Variants in IFNGR2 observed in about 807,000 individuals in gnomAD.
The protein encoded by IFNGR2 is interferon gamma receptor 2.
IFNGR2 carries 15 observed loss-of-function variants against 41.1 expected under a neutral mutation model. The ratio of observed to expected loss-of-function variants is 0.37; its 90% CI spans 0.24 to 0.56. The LOEUF (loss-of-function observed/expected upper bound fraction) is 0.56. Ranked by LOEUF, IFNGR2 falls within the 20% of genes least tolerant of loss-of-function variation. The pLI, the probability that IFNGR2 is intolerant of heterozygous loss-of-function variation, is 0.81. For synonymous variants in IFNGR2, 161 were observed against 171.6 expected (o/e 0.94, Z 0.48); for missense variants, 362 against 415.7 (o/e 0.87, Z 1.12).
chr21:33,407,893 G>A (rs903502084), intron 1 of IFNGR2, among the ~76,000 whole-genome samples: 21 of 144,626 alleles, frequency 1.5e-4, no homozygotes, highest in African/African-American at 4.4e-4. Flanking sequence ...AAAGTGTTGG[G>A]ATTACAGGCA....
At chr21:33,405,103 GAAAAAAAAAAA>G (rs3057379) in intron 1 of IFNGR2, among the ~76,000 whole-genome samples, 10 of 119,828 alleles carry the variant, frequency 8.3e-5, no homozygotes, top group African/African-American at 1.5e-4. Flanking sequence ...CTCTGTCTCA[GAAAAAAAAAAA>G]AAAAAAAAAG....
At chr21:33,411,796 G>A (rs1388113805) in intron 1 of IFNGR2, among the ~76,000 whole-genome samples, 1 of 152,224 alleles carries the variant, frequency 6.6e-6, no homozygotes, top group Non-Finnish European at 1.5e-5. Context: ...TCTCCCTGGA[G>A]GCTCGAGAAG....
rs1403109496 is a variant in IFNGR2 at position 33,424,828 on chromosome 21, G to A, written c.413-2056G>A. 4.6e-5 allele frequency among the ~76,000 whole-genome samples: 7 copies of A among 152,214 alleles called. No individual in the cohort carries two copies. In the East Asian group the frequency reaches 7.7e-4, roughly 17 times the overall value. ...GCGATCTCAGTTCACTGCAGCCTCC[G>A]CCTCCAGGTTTAAGTGATTCTCGTG... On this transcript the variant is annotated intron_variant, in intron 3 of 6. Transcript: ENST00000290219.
rs1158807047 is a variant in IFNGR2 at position 33,423,036 on chromosome 21, C to CTTTT, written c.412+1369_412+1372dup. 1.8e-3 allele frequency among the ~76,000 whole-genome samples: 214 copies of CTTTT among 117,244 alleles called. 5 individuals carry two copies. The highest frequency in any genetic ancestry group is 2.7e-3 in the Non-Finnish European group (152 of 57,026). The allele number at this position is 117,244 out of a possible 152,430, so 76.9% of individuals were successfully genotyped here. ...GTGTTTGTTAATGATCTTCCCTCTA[C>CTTTT]TTTTTTTTTTTTTTTTTTTTTGAGA... is the stretch of plus-strand genomic sequence containing the variant. On this transcript the variant is annotated intron_variant, in intron 3 of 6. Coordinates refer to ENST00000290219, the MANE Select transcript of IFNGR2 (RefSeq NM_005534.4).
intron 2 of IFNGR2, among the ~76,000 whole-genome samples, chr21:33,419,760 T>C (rs900260829): frequency 6.6e-6 from 1 of 152,198 alleles, no homozygotes. Context: ...TCAAAGGGGA[T>C]GGACTTACTT....
At chr21:33,411,531 T>C (rs1017964231) in intron 1 of IFNGR2, 2 of 470,996 alleles carry the variant, frequency 4.2e-6, no homozygotes, top group Admixed American at 2.3e-5. Flanking sequence ...TCCGTGAACC[T>C]GGGAATGTGC....
intron 3 of IFNGR2, among the ~76,000 whole-genome samples, chr21:33,422,727 A>C (rs1328329279): frequency 1.3e-5 from 2 of 151,900 alleles, no homozygotes; most frequent in Non-Finnish European, 2.9e-5. Flanking sequence ...AAACACAAAA[A>C]TTAGCTGGAT....
intron 1 of IFNGR2, among the ~76,000 whole-genome samples, chr21:33,411,964 A>G (rs970976778): frequency 1.3e-5 from 2 of 152,158 alleles, no homozygotes; most frequent in Non-Finnish European, 2.9e-5. Context: ...GCTAGAGTGC[A>G]ATGATTATTC....
chr21:33,413,477 G>A (rs761095692), intron 1 of IFNGR2, among the ~76,000 whole-genome samples: 8 of 152,194 alleles, frequency 5.3e-5, no homozygotes, highest in African/African-American at 9.7e-5. Context: ...GAGGTTGAGC[G>A]CATTTACCGA....
intron 6 of IFNGR2, 57 bp from the exon 7 acceptor site, chr21:33,436,771 G>T: frequency 7.2e-7 from 1 of 1,389,064 alleles, no homozygotes; most frequent in Non-Finnish European, 1.0e-6. Flanking sequence ...AAAGTTAAAA[G>T]GTCTGGTATA....
chr21:33,424,406 G>A (rs1354469278), intron 3 of IFNGR2, among the ~76,000 whole-genome samples: 11 of 152,168 alleles, frequency 7.2e-5, no homozygotes, highest in Non-Finnish European at 1.3e-4. Context: ...GCCAGCTGCC[G>A]CTTCCGGCCG....
chr21:33,431,568 CAAAA>C (rs565277488), intron 4 of IFNGR2, among the ~76,000 whole-genome samples: 2 of 143,758 alleles, frequency 1.4e-5, no homozygotes, highest in African/African-American at 5.1e-5. Context: ...AACTCCATCT[CAAAA>C]AAAAAAAGAA....
In IFNGR2 at chr21:33,414,904, G is replaced by T; in HGVS notation, c.90G>T (p.Leu30=). 6.2e-7 allele frequency: 1 copy of T among 1,613,862 alleles called. No individual in the cohort carries two copies. The highest frequency in any genetic ancestry group is 8.5e-7 in the Non-Finnish European group (1 of 1,179,928). ...AAAPPDPLSQ[L]PAPQHPKIRL... is the part of the protein sequence containing the mutation. Reference sequence around the variant, plus strand: ...CCCCTCAAGACCCTCTTTCCCAGCTGCCCGCTCCTCAGCACCCGAAGATTC... The same window carrying T: ...CCCCTCAAGACCCTCTTTCCCAGCTTCCCGCTCCTCAGCACCCGAAGATTC... Residue 30 remains leucine (L), a synonymous_variant, in exon 2 of 7, where the codon CTG becomes CTT. Coordinates refer to ENST00000290219, the MANE Select transcript of IFNGR2 (RefSeq NM_005534.4).
intron 3 of IFNGR2, among the ~76,000 whole-genome samples, chr21:33,423,487 G>A (rs2083811997): frequency 6.6e-6 from 1 of 151,646 alleles, no homozygotes; most frequent in African/African-American, 2.4e-5. Context: ...CTGCCTCCTG[G>A]GTTCAAGTGA....
Position 33,436,942 on chromosome 21 carries a change from G to A in IFNGR2, c.994G>A (p.Asp332Asn). The change falls in exon 7 of 7, where the codon GAT becomes AAT. Residue 332 changes from aspartate to asparagine, a missense_variant. Transcript: ENST00000290219. Reference sequence around the variant, plus strand: ...CTCGTTTCCGGAAAAGGAGCAAGAAGATGTTCTCCAAACGCTTTGAACCAA... The same window carrying A: ...CTCGTTTCCGGAAAAGGAGCAAGAAAATGTTCTCCAAACGCTTTGAACCAA... Reference protein sequence around the residue: ...IISFPEKEQEDVLQTL With the variant: ...IISFPEKEQENVLQTL The A allele has an allele frequency of 6.2e-7, 1 of 1,614,042 alleles. No individual in the cohort carries two copies. The highest frequency in any genetic ancestry group is 2.2e-5 in the East Asian group (1 of 44,870).
At chr21:33,412,231 C>T (rs1022200378) in intron 1 of IFNGR2, among the ~76,000 whole-genome samples, 1 of 152,142 alleles carries the variant, frequency 6.6e-6, no homozygotes, top group Non-Finnish European at 1.5e-5. Context: ...TGGAAAGAGC[C>T]GGGTCCAGCT....
chr21:33,428,001 G>A (rs757334720), intron 4 of IFNGR2, among the ~76,000 whole-genome samples: 5 of 151,882 alleles, frequency 3.3e-5, no homozygotes, highest in Non-Finnish European at 7.4e-5. Context: ...AAAGTGCTGG[G>A]ATTACAGGCA....
At chr21:33,411,599 G>A (rs911405692) in intron 1 of IFNGR2, 2 of 453,192 alleles carry the variant, frequency 4.4e-6, no homozygotes, top group African/African-American at 2.0e-5. Context: ...CCTGATGTGG[G>A]GAGATTGTCT....
chr21:33,435,942 A>C (rs1335351297), intron 6 of IFNGR2, among the ~76,000 whole-genome samples: 1 of 148,488 alleles, frequency 6.7e-6, no homozygotes, highest in Non-Finnish European at 1.5e-5. Flanking sequence ...CTGCAATCCT[A>C]GCTACTTGGT....
Sources: allele counts gnomAD v4.1 joint callset (sites outside exome capture counted in the v4.1 genomes callset), GRCh38; gene constraint gnomAD v4.1.1; transcripts MANE v1.5; gene names NCBI Gene and HGNC (gene_info 2026-07-23, HGNC 2026-07-21).